Variants in PRKCA observed in about 807,000 individuals in gnomAD.
PRKCA encodes the protein protein kinase C alpha type.
Under a neutral mutation model 87.0 loss-of-function variants are expected in PRKCA, and 27 were observed. That is an observed-to-expected ratio of 0.31 (90% CI 0.23 to 0.43). The LOEUF is 0.43. Ranked by LOEUF, PRKCA falls within the 20% of genes least tolerant of loss-of-function variation. The pLI, the probability that PRKCA is intolerant of heterozygous loss-of-function variation, is 1.00. For synonymous variants in PRKCA, 329 were observed against 311.1 expected (o/e 1.06, Z -0.61); for missense variants, 518 against 852.3 (o/e 0.61, Z 4.88).
chr17:66,479,400 ATGGTGGAAAT>A (rs1915678104), intron 2 of PRKCA, among the ~76,000 whole-genome samples: 1 of 152,186 alleles, frequency 6.6e-6, no homozygotes, highest in Non-Finnish European at 1.5e-5. Context: ...TTTTACACTT[ATGGTGGAAAT>A]GTAAATTAGT....
intron 3 of PRKCA, among the ~76,000 whole-genome samples, chr17:66,526,298 A>T (rs1227179113): frequency 6.6e-6 from 1 of 152,176 alleles, no homozygotes; most frequent in Non-Finnish European, 1.5e-5. Flanking sequence ...GGATTTATTA[A>T]TTTGCTATGG....
chr17:66,746,783 A>G (rs904220999), intron 13 of PRKCA, among the ~76,000 whole-genome samples: 3 of 152,220 alleles, frequency 2.0e-5, no homozygotes, highest in African/African-American at 2.4e-5. Context: ...TTGCTTTGAC[A>G]TAGAAAGAAT....
chr17:66,732,903 C>T lies in PRKCA; in HGVS notation c.1056+78C>T, dbSNP rs1973938619. Reference sequence around the variant, plus strand: ...TCAGTTTTGTTCTCCTCGTAGTTTGCAGAATAGCACATTAGATTTCCCTGT... The same window carrying T: ...TCAGTTTTGTTCTCCTCGTAGTTTGTAGAATAGCACATTAGATTTCCCTGT... On this transcript the variant is annotated intron_variant, in intron 9 of 16. Transcript: ENST00000413366. 3 of 1,503,742 alleles carry T rather than the reference C, an allele frequency of 2.0e-6. No individual in the cohort carries two copies. In the East Asian group the frequency reaches 6.8e-5, roughly 34 times the overall value. 93.1% of individuals were successfully genotyped at this position (1,503,742 alleles called of 1,614,324 possible).
At chr17:66,355,528 T>G (rs1414962662) in intron 2 of PRKCA, among the ~76,000 whole-genome samples, 1 of 152,112 alleles carries the variant, frequency 6.6e-6, no homozygotes, top group Non-Finnish European at 1.5e-5. Flanking sequence ...TTTTTGTACA[T>G]CCAAAATAAT....
chr17:66,664,087 C>G (rs1348893051), intron 5 of PRKCA, among the ~76,000 whole-genome samples: 1 of 152,022 alleles, frequency 6.6e-6, no homozygotes, highest in Non-Finnish European at 1.5e-5. Context: ...GGGCAGGTCT[C>G]GAACTCCTGG....
Position 66,775,363 on chromosome 17 carries a change from G to A in PRKCA, c.1605+1296G>A, listed in dbSNP as rs1975023961. ...ATCAGTTACATAGGATATCTTAGGG[G>A]CCGGCCTAGAAATGGCATGTATCAC... On this transcript the variant is annotated intron_variant, in intron 14 of 16. Coordinates refer to ENST00000413366, the MANE Select transcript of PRKCA (RefSeq NM_002737.3). The A allele has an allele frequency of 3.0e-6, 3 of 985,116 alleles. 1 individual carries two copies. The highest frequency in any genetic ancestry group is 2.3e-4 in the East Asian group (2 of 8,784). The allele number at this position is 985,116 out of a possible 1,614,324, so 61.0% of individuals were successfully genotyped here. A position where few individuals can be genotyped will look rare whatever the true frequency, so the allele number is the denominator to read the frequency against.
At chr17:66,640,705 G>A (rs527333408) in intron 3 of PRKCA, among the ~76,000 whole-genome samples, 79 of 152,310 alleles carry the variant, frequency 5.2e-4, no homozygotes, top group East Asian at 3.9e-4. Flanking sequence ...CCCAGCCTGC[G>A]CTAGGCAGTG....
intron 3 of PRKCA, among the ~76,000 whole-genome samples, chr17:66,591,790 A>G (rs62071749): frequency 0.21 from 31,275 of 152,032 alleles, 3,427 homozygotes; most frequent in African/African-American, 0.29. Flanking sequence ...AGGTCATCCT[A>G]TTGCTGCACT....
At chr17:66,384,850 TC>T (rs1909969751) in intron 2 of PRKCA, among the ~76,000 whole-genome samples, 1 of 152,096 alleles carries the variant, frequency 6.6e-6, no homozygotes, top group African/African-American at 2.4e-5. Flanking sequence ...CAGGATGGTC[TC>T]AATCTCCTGA....
rs61762397 is a variant in PRKCA at position 66,642,040 on chromosome 17, C to T, written c.400+574C>T. Among the ~76,000 whole-genome samples, 801 of 152,258 alleles carry T rather than the reference C, an allele frequency of 5.3e-3. 3 individuals are homozygous for T. Among genetic ancestry groups the T allele is most frequent in the Non-Finnish European group, 8.7e-3 (593 of 68,022 alleles). On this transcript the variant is annotated intron_variant, in intron 4 of 16. Transcript: ENST00000413366. ...CGCTGAGGACCACTGACAAGCAAGA[C>T]ACCAGCCCTTTTCTGTTATTTTTTG...
At chr17:66,576,433 T>A (rs1407856240) in intron 3 of PRKCA, among the ~76,000 whole-genome samples, 2 of 152,268 alleles carry the variant, frequency 1.3e-5, no homozygotes, top group African/African-American at 4.8e-5. Context: ...ACCATTAAGA[T>A]GCAGGAAGAG....
rs1343913537 is a variant in PRKCA, at chr17:66,765,426, A to ATC, written c.1525-8560_1525-8559insCT. ...ACAGAGCAAGACTTTGTCTATATAT[A>ATC]TATATATATATATATATATATATAT... On this transcript the variant is annotated intron_variant, in intron 13 of 16. Transcript: ENST00000413366. 5.4e-4 allele frequency among the ~76,000 whole-genome samples: 67 copies of ATC among 124,288 alleles called. 2 individuals carry two copies. Among genetic ancestry groups the ATC allele is most frequent in the African/African-American group, 1.2e-3 (36 of 31,228 alleles). 81.5% of individuals were successfully genotyped at this position (124,288 alleles called of 152,430 possible).
At chr17:66,550,904 G>A (rs552205901) in intron 3 of PRKCA, among the ~76,000 whole-genome samples, 19 of 152,128 alleles carry the variant, frequency 1.2e-4, no homozygotes, top group Non-Finnish European at 2.4e-4. Flanking sequence ...AATGTCTTTT[G>A]TTACCAAGCA....
chr17:66,742,907 A>G (rs1415785991), intron 13 of PRKCA, 147 bp downstream of exon 13: 1 of 873,012 alleles, frequency 1.1e-6, no homozygotes, highest in African/African-American at 1.7e-5. Flanking sequence ...ACAGACTAAA[A>G]TAGAGGAAAT....
intron 2 of PRKCA, among the ~76,000 whole-genome samples, chr17:66,381,515 A>G (rs1157189920): frequency 6.6e-6 from 1 of 152,178 alleles, no homozygotes; most frequent in East Asian, 1.9e-4. Context: ...TGAAGTTTAA[A>G]TTTGAGAGGA....
At chr17:66,308,637 A>G (rs947040261) in intron 2 of PRKCA, among the ~76,000 whole-genome samples, 1 of 152,196 alleles carries the variant, frequency 6.6e-6, no homozygotes, top group Non-Finnish European at 1.5e-5. Flanking sequence ...TATTTGTAAC[A>G]TGCTGTCTGC....
At chr17:66,421,174 C>T (rs1435227743) in intron 2 of PRKCA, among the ~76,000 whole-genome samples, 1 of 152,210 alleles carries the variant, frequency 6.6e-6, no homozygotes, top group Non-Finnish European at 1.5e-5. Flanking sequence ...CACATGCATA[C>T]TGCCTTCTGC....
intron 3 of PRKCA, among the ~76,000 whole-genome samples, chr17:66,501,579 A>G (rs1489240315): frequency 6.6e-6 from 1 of 152,214 alleles, no homozygotes; most frequent in Non-Finnish European, 1.5e-5. Context: ...TGGAATGAGC[A>G]GCAGCTGTCT....
chr17:66,545,225 G>A (rs227911), intron 3 of PRKCA, among the ~76,000 whole-genome samples: 63,209 of 147,618 alleles, frequency 0.43, 13,194 homozygotes, highest in Admixed American at 0.47. Context: ...TCAGGAGATC[G>A]AGACCATCCT....
Sources: gnomAD v4.1 joint callset for allele counts (sites outside exome capture counted in the v4.1 genomes callset) on GRCh38, gnomAD v4.1.1 for gene constraint, MANE v1.5 for transcripts, NCBI Gene and HGNC (gene_info 2026-07-23, HGNC 2026-07-21) for gene names.